CEP164: variants seen among roughly 807,000 people sequenced by gnomAD.
CEP164 encodes the protein centrosomal protein 164, also known as centrosomal protein of 164 kDa.
Under a neutral mutation model 182.7 loss-of-function variants are expected in CEP164, and 162 were observed. The ratio of observed to expected loss-of-function variants is 0.89; its 90% CI spans 0.78 to 1.01. The LOEUF (loss-of-function observed/expected upper bound fraction) is 1.01, where lower values mean the gene tolerates loss of function less well. Ranked by LOEUF, CEP164 falls within the 50% of genes least tolerant of loss-of-function variation. The pLI is 0.00. For missense variants in CEP164, 1,735 were observed against 1,790.4 expected (o/e 0.97, Z 0.56); for synonymous variants, 661 against 690.0 (o/e 0.96, Z 0.66).
intron 11 of CEP164, among the ~76,000 whole-genome samples, chr11:117,378,388 G>A (rs945900319): frequency 2.0e-5 from 3 of 152,088 alleles, no homozygotes; most frequent in African/African-American, 4.8e-5. Flanking sequence ...AATTGGGATT[G>A]TGCTACCTAA....
At chr11:117,401,700 C>T (rs910521715) in intron 27 of CEP164, among the ~76,000 whole-genome samples, 6 of 152,180 alleles carry the variant, frequency 3.9e-5, no homozygotes, top group Admixed American at 2.6e-4. Context: ...CTGGTTTAGT[C>T]TTGGGAGGGT....
chr11:117,358,948 C>CT (rs61487104), intron 5 of CEP164, among the ~76,000 whole-genome samples: 32,588 of 142,820 alleles, frequency 0.23, 3,818 homozygotes, highest in African/African-American at 0.3. Flanking sequence ...GGGCAGGGTT[C>CT]TTTTTTTTTT....
At chr11:117,321,811 C>T (rs867009024) in intron 1 of CEP164, among the ~76,000 whole-genome samples, 3 of 152,108 alleles carry the variant, frequency 2.0e-5, no homozygotes, top group Non-Finnish European at 4.4e-5. Flanking sequence ...GACCCTTCCA[C>T]ATCAGCCTCT....
intron 5 of CEP164, chr11:117,354,877 G>A (rs1266061860): frequency 2.5e-6 from 3 of 1,210,632 alleles, no homozygotes; most frequent in African/African-American, 3.2e-5. Context: ...GGTAGCAAGT[G>A]TAAATCAGAA....
upstream of CEP164, among the ~76,000 whole-genome samples, chr11:117,324,454 A>G (rs1044088178): frequency 6.6e-6 from 1 of 151,410 alleles, no homozygotes; most frequent in Admixed American, 6.6e-5. Flanking sequence ...AAAAAAAAAA[A>G]AAATTTGTGT....
At chr11:117,326,295 C>T (rs1330766299), upstream of CEP164, among the ~76,000 whole-genome samples, 1 of 152,002 alleles carries the variant, frequency 6.6e-6, no homozygotes, top group Non-Finnish European at 1.5e-5. Context: ...GTGGCTTGAT[C>T]TGGGCTCATT....
intron 1 of CEP164, among the ~76,000 whole-genome samples, chr11:117,332,373 G>A (rs1163074539): frequency 2.0e-5 from 3 of 152,006 alleles, no homozygotes; most frequent in African/African-American, 4.8e-5. Flanking sequence ...ATAGGAGGTC[G>A]AGACCAGCCT....
At chr11:117,407,053 CACCACTGG>C (rs1029864594) in intron 27 of CEP164, among the ~76,000 whole-genome samples, 3 of 151,954 alleles carry the variant, frequency 2.0e-5, no homozygotes, top group Admixed American at 6.6e-5. Flanking sequence ...GCCGAGATCG[CACCACTGG>C]ACTCCAGCAT....
intron 27 of CEP164, among the ~76,000 whole-genome samples, chr11:117,400,186 T>G (rs2045971057): frequency 6.6e-6 from 1 of 152,250 alleles, no homozygotes; most frequent in African/African-American, 2.4e-5. Flanking sequence ...AGGGGTCCAG[T>G]TTCAGTTTTC....
chr11:117,370,941 G>T, intron 8 of CEP164, 139 bp from the exon 9 acceptor site: 2 of 834,764 alleles, frequency 2.4e-6, no homozygotes, highest in Non-Finnish European at 3.6e-6. Flanking sequence ...TAACAACTGG[G>T]TGATTGATAA....
chr11:117,398,628 T>C (rs1272914577), intron 27 of CEP164, among the ~76,000 whole-genome samples: 1 of 152,244 alleles, frequency 6.6e-6, no homozygotes, highest in African/African-American at 2.4e-5. Flanking sequence ...AGTTCTTGAC[T>C]TCTGTGCAGC....
intron 4 of CEP164, among the ~76,000 whole-genome samples, chr11:117,346,766 A>G (rs1162655511): frequency 6.6e-6 from 1 of 151,470 alleles, no homozygotes; most frequent in African/African-American, 2.4e-5. Context: ...TCCGAAGTTG[A>G]GTTAGGAGGA....
chr11:117,358,558 T>A (rs2040572793), intron 5 of CEP164, among the ~76,000 whole-genome samples: 1 of 150,626 alleles, frequency 6.6e-6, no homozygotes, highest in Non-Finnish European at 1.5e-5. Context: ...TTTTTTTTTT[T>A]AAGAGACCAG....
intron 30 of CEP164, chr11:117,410,313 A>C (rs757764483): frequency 2.4e-6 from 1 of 425,530 alleles, no homozygotes; most frequent in African/African-American, 2.0e-5. Flanking sequence ...TGTGCAATAC[A>C]TGATGGGCCA....
At position 117,387,211 on chromosome 11, in the gene CEP164, C is replaced by T. The variant is rs746318663; in HGVS notation, c.1733C>T (p.Thr578Ile). ...TPPVSPEVRS[T>I]EPVAPPEQLS... ...TTCCCCACCCATGGTAGGCGATCCA[C>T]AGAGCCTGTGGCTCCCCCAGAGCAG... The change falls in exon 15 of 33, where the codon ACA becomes ATA. Residue 578 changes from threonine (T) to isoleucine (I), a missense_variant. Coordinates refer to ENST00000278935, the MANE Select transcript of CEP164 (RefSeq NM_014956.5). 5.0e-6 allele frequency: 8 copies of T among 1,614,030 alleles called. No individual in the cohort carries two copies. The highest frequency in any genetic ancestry group is 4.0e-5 in the African/African-American group (3 of 74,950).
chr11:117,335,540 C>T (rs1046804051), intron 1 of CEP164, 65 bp from the exon 2 acceptor site: 1 of 150,454 alleles, frequency 6.6e-6, no homozygotes, highest in African/African-American at 2.5e-5. Flanking sequence ...GGTTCAGAGT[C>T]TCCAGATCCA....
At chr11:117,352,590 G>C (rs1458130420) in intron 5 of CEP164, among the ~76,000 whole-genome samples, 2 of 152,136 alleles carry the variant, frequency 1.3e-5, no homozygotes, top group East Asian at 3.9e-4. Flanking sequence ...TGATTTCCTT[G>C]TTGTTGTTTT....
In CEP164 at chr11:117,373,794, A is replaced by T; in HGVS notation, c.1196A>T (p.Asp399Val). 3 of 1,613,840 alleles carry T rather than the reference A, an allele frequency of 1.9e-6. No individual in the cohort carries two copies. The highest frequency in any genetic ancestry group is 2.5e-6 in the Non-Finnish European group (3 of 1,179,936). ...SEHMKEPQLS[D>V]SIASDPKSFH... is the part of the protein sequence containing the mutation. ...CACATGAAGGAACCACAGCTCTCAG[A>T]CTCCATAGCTTCTGACCCCAAGTCC... Residue 399 changes from aspartate to valine, a missense_variant, in exon 10 of 33, where the codon GAC becomes GTC. Asp to Val is a radical substitution (Grantham distance 152). Transcript: ENST00000278935.
chr11:117,325,719 C>T (rs73014325), upstream of CEP164, among the ~76,000 whole-genome samples: 4 of 151,896 alleles, frequency 2.6e-5, no homozygotes, highest in East Asian at 1.9e-4. Flanking sequence ...GGAAAGGGGA[C>T]GATGATTTGT....
Sources: gnomAD v4.1 joint callset for allele counts (sites outside exome capture counted in the v4.1 genomes callset) on GRCh38, gnomAD v4.1.1 for gene constraint, MANE v1.5 for transcripts, NCBI Gene and HGNC (gene_info 2026-07-23, HGNC 2026-07-21) for gene names.